The following CCDC188 variants were observed in gnomAD, a reference collection of about 807,000 sequenced individuals.
CCDC188 encodes coiled-coil domain-containing protein 188.
Under a neutral mutation model 50.7 loss-of-function variants are expected in CCDC188, and 37 were observed. The observed-to-expected ratio is 0.73, with a 90% confidence interval of 0.56 to 0.96. CCDC188 has a LOEUF of 0.96. CCDC188 is among the 40% of genes least tolerant of loss of function. The pLI is 0.00. For missense variants in CCDC188, 453 were observed against 512.9 expected, an observed-to-expected ratio of 0.88 and a Z score of 1.13; for synonymous variants, 208 against 228.0, an observed-to-expected ratio of 0.91 and a Z score of 0.79.
At chr22:20,149,020 C>G in intron 7 of CCDC188, 96 bp from the exon 8 acceptor site, 8 of 1,341,448 alleles carry the variant, frequency 6.0e-6, no homozygotes, top group Non-Finnish European at 8.0e-6. Flanking sequence ...CAGGGCTCCC[C>G]GCACCGCAGC....
At chr22:20,149,317 G>A (rs1340043429) in intron 6 of CCDC188, 73 bp from the exon 7 acceptor site, 4 of 1,543,900 alleles carry the variant, frequency 2.6e-6, no homozygotes, top group Admixed American at 2.0e-5. Context: ...GCTCGGTGCT[G>A]TGGAGGTGGG....
chr22:20,150,664 T>G lies in CCDC188; in HGVS notation c.323A>C (p.His108Pro), dbSNP rs1258506261. Residue 108 changes from histidine to proline, a missense_variant, in exon 1 of 9, where the codon CAC (histidine) becomes CCC (proline). His to Pro is a moderately conservative substitution (Grantham distance 77, BLOSUM62 -2). Coordinates refer to ENST00000439765, the MANE Select transcript of CCDC188 (RefSeq NM_001365892.2). ...GGGAGCCCCCTGGTTCGACCCTGGG[T>G]GCAGGGGCCAGCCCCACCCAAGCCC... Reference protein sequence around the residue: ...EAGLGWGWPLHPGSNQGAPRQ... With the variant: ...EAGLGWGWPLPPGSNQGAPRQ... 1 of 1,547,900 alleles carries G rather than the reference T, an allele frequency of 6.5e-7. No individual in the cohort carries two copies. Among genetic ancestry groups the G allele is most frequent in the Non-Finnish European group, 8.7e-7 (1 of 1,145,464 alleles).
In CCDC188 at chr22:20,150,703, C is replaced by G; in HGVS notation, c.284G>C (p.Gly95Ala). ...CCACCCAAGCCCTGCCTCCAGGTCT[C>G]CTTGTCTCGGCCCCTCAGTGTCTCT... ...RARDTEGPRQ[G>A]DLEAGLGWGW... Residue 95 changes from glycine (G) to alanine (A), a missense_variant, in exon 1 of 9, where the codon GGA becomes GCA. Transcript: ENST00000439765. The G allele has an allele frequency of 6.5e-6, 10 of 1,550,140 alleles. No homozygotes were observed. The highest frequency in any genetic ancestry group is 7.8e-6 in the Non-Finnish European group (9 of 1,146,784).
rs1231849943 is a variant in CCDC188, at chr22:20,150,704, C to T, written c.283G>A (p.Gly95Arg). Residue 95 changes from glycine to arginine, a missense_variant, in exon 1 of 9, where the codon GGA (glycine) becomes AGA (arginine). Transcript: ENST00000439765. ...CACCCAAGCCCTGCCTCCAGGTCTC[C>T]TTGTCTCGGCCCCTCAGTGTCTCTC... is the stretch of plus-strand genomic sequence containing the variant. ...RARDTEGPRQ[G>R]DLEAGLGWGW... The T allele has an allele frequency of 1.3e-6, 2 of 1,550,148 alleles. No individual in the cohort carries two copies. The highest frequency in any genetic ancestry group is 1.4e-5 in the African/African-American group (1 of 73,162).
Position 20,150,501 on chromosome 22 carries a change from G to A in CCDC188, c.486C>T (p.Ser162=), listed in dbSNP as rs1338688178. ...QCGLLGSAEQ[S]FLQLEQENHS... The stretch of plus-strand genomic sequence containing the variant: ...GGTTCTCCTGCTCCAGCTGCAGGAA[G>A]GACTGTTCTGCAGAGCCCAGCAGCC... The change falls in exon 1 of 9, where the codon TCC becomes TCT. Residue 162 remains serine (S), a synonymous_variant. Transcript: ENST00000439765. The A allele has an allele frequency of 6.5e-7, 1 of 1,547,998 alleles. No homozygotes were observed. Among genetic ancestry groups the A allele is most frequent in the East Asian group, 2.4e-5 (1 of 40,882 alleles).
Position 20,150,678 on chromosome 22 carries a change from C to A in CCDC188, c.309G>T (p.Trp103Cys). 1 of 1,549,330 alleles carries A rather than the reference C, an allele frequency of 6.5e-7. No individual in the cohort carries two copies. Among genetic ancestry groups the A allele is most frequent in the Non-Finnish European group, 8.7e-7 (1 of 1,146,274 alleles). ...TCGACCCTGGGTGCAGGGGCCAGCC[C>A]CACCCAAGCCCTGCCTCCAGGTCTC... The part of the protein sequence containing the change: ...RQGDLEAGLG[W>C]GWPLHPGSNQ... Residue 103 changes from tryptophan (W) to cysteine (C), a missense_variant, in exon 1 of 9, where the codon TGG becomes TGT. Trp to Cys is a radical substitution (Grantham distance 215, BLOSUM62 -2). Coordinates refer to ENST00000439765, the MANE Select transcript of CCDC188 (RefSeq NM_001365892.2).
chr22:20,151,050 C>T lies in CCDC188; in HGVS notation c.-64G>A. On this transcript the variant is annotated 5_prime_UTR_variant, in exon 1 of 9. Transcript: ENST00000439765. The stretch of plus-strand genomic sequence containing the variant: ...CTGGCCTGGCCCAACCTGCCACCCT[C>T]TTACTGAGGGGGCTGCCCCAGGCAA... The T allele has an allele frequency of 7.7e-7, 1 of 1,306,556 alleles. No individual in the cohort carries two copies. The highest frequency in any genetic ancestry group is 2.8e-5 in the East Asian group (1 of 35,328). 80.9% of individuals were successfully genotyped at this position (1,306,556 alleles called of 1,614,324 possible).
At chr22:20,150,439 G>A in intron 1 of CCDC188, 29 bp downstream of exon 1, 1 of 1,515,400 alleles carries the variant, frequency 6.6e-7, no homozygotes, top group Non-Finnish European at 8.8e-7. Context: ...GGCTGGGGCT[G>A]GGGCTGGGGC....
rs371864943 is a variant in CCDC188 at position 20,148,562 on chromosome 22, C to T, written c.*52G>A. ...GGGGCTGGCACGGCCACTGGGCATC[C>T]GGGGCAGTGCTGGTCGCCTGGCCTC... On this transcript the variant is annotated 3_prime_UTR_variant, in exon 9 of 9. Coordinates refer to ENST00000439765, the MANE Select transcript of CCDC188 (RefSeq NM_001365892.2). 24 of 1,475,126 alleles carry T rather than the reference C, an allele frequency of 1.6e-5. No homozygotes were observed. Among genetic ancestry groups the T allele is most frequent in the Admixed American group, 2.5e-5 (1 of 40,026 alleles). The allele number at this position is 1,475,126 out of a possible 1,614,324, so 91.4% of individuals were successfully genotyped here. A position where few individuals can be genotyped will look rare whatever the true frequency, so the allele number is the denominator to read the frequency against.
intron 3 of CCDC188, 32 bp downstream of exon 3, chr22:20,149,923 C>T: frequency 1.3e-6 from 2 of 1,516,432 alleles, no homozygotes; most frequent in Non-Finnish European, 1.8e-6. Flanking sequence ...ACGAAGCTTC[C>T]TCCCCCCCCA....
intron 1 of CCDC188, 69 bp downstream of exon 1, chr22:20,150,399 G>C: frequency 1.4e-6 from 2 of 1,386,166 alleles, no homozygotes; most frequent in South Asian, 2.8e-5. Context: ...TGGGGCTGGG[G>C]CTGGGGCAGG....
rs1223308379 is a variant in CCDC188 at position 20,149,739 on chromosome 22, C to G, written c.774G>C (p.Lys258Asn). Residue 258 changes from lysine (K) to asparagine (N), a missense_variant, in exon 4 of 9, where the codon AAG becomes AAC. Coordinates refer to ENST00000439765, the MANE Select transcript of CCDC188 (RefSeq NM_001365892.2). Reference protein sequence around the residue: ...QQIRLCFERKKMVITEVWDNV... With the variant: ...QQIRLCFERKNMVITEVWDNV... ...AGGCGGGCACCTCTGTGATGACCAT[C>G]TTCTTCCTCTCAAAGCACAGGCGGA... is the stretch of plus-strand genomic sequence containing the variant. The G allele has an allele frequency of 1.6e-5, 24 of 1,530,094 alleles. No individual in the cohort carries two copies. Among genetic ancestry groups the G allele is most frequent in the Non-Finnish European group, 2.1e-5 (24 of 1,135,622 alleles). 94.8% of individuals were successfully genotyped at this position (1,530,094 alleles called of 1,614,324 possible).
At position 20,151,046 on chromosome 22, in the gene CCDC188, C is replaced by T; in HGVS notation, c.-60G>A. 3.8e-6 allele frequency: 5 copies of T among 1,312,182 alleles called. No homozygotes were observed. Among genetic ancestry groups the T allele is most frequent in the Non-Finnish European group, 4.8e-6 (5 of 1,030,996 alleles). 81.3% of individuals were successfully genotyped at this position (1,312,182 alleles called of 1,614,324 possible). A position where few individuals can be genotyped will look rare whatever the true frequency, so the allele number is the denominator to read the frequency against. On this transcript the variant is annotated 5_prime_UTR_variant, in exon 1 of 9. It adds an upstream start codon to the 5' untranslated region. Transcript: ENST00000439765. ...GGCTCTGGCCTGGCCCAACCTGCCA[C>T]CCTCTTACTGAGGGGGCTGCCCCAG... is the stretch of plus-strand genomic sequence containing the variant.
At position 20,150,612 on chromosome 22, in the gene CCDC188, C is replaced by T. The variant is rs1453282157; in HGVS notation, c.375G>A (p.Gly125=). The T allele has an allele frequency of 3.2e-6, 5 of 1,543,768 alleles. No individual in the cohort carries two copies. In the East Asian group the frequency reaches 9.8e-5, roughly 30 times the overall value. The change falls in exon 1 of 9, where the codon GGG becomes GGA. Residue 125 remains glycine, a synonymous_variant. Coordinates refer to ENST00000439765, the MANE Select transcript of CCDC188 (RefSeq NM_001365892.2). The stretch of plus-strand genomic sequence containing the variant: ...GGGGTGGGCATGGGCAGGGTCTGGT[C>T]CCTGAGCCAATGGATCCCCCCTGCC... The part of the protein sequence containing the change: ...APRQGGSIGS[G]TRPCPCPPLS...
chr22:20,148,957 CGA>C (rs1568999362), intron 7 of CCDC188, 33 bp from the exon 8 acceptor site: 3 of 1,462,034 alleles, frequency 2.1e-6, no homozygotes, highest in Non-Finnish European at 2.7e-6. Context: ...GAGCCCACCC[CGA>C]GTGTCCAGGC....
rs2050560313 is a variant in CCDC188, at chr22:20,148,707, C to T, written c.1116G>A (p.Val372=). 7.8e-6 allele frequency: 12 copies of T among 1,538,468 alleles called. No individual in the cohort carries two copies. Among genetic ancestry groups the T allele is most frequent in the African/African-American group, 1.4e-5 (1 of 72,242 alleles). Residue 372 remains valine (V), a synonymous_variant, in exon 9 of 9, where the codon GTG becomes GTA. Coordinates refer to ENST00000439765, the MANE Select transcript of CCDC188 (RefSeq NM_001365892.2). ...CGGTGGCACGGCTCAGCAGGGGTGG[C>T]ACCAGCCCCTCGAAAGGTGTGGGGT... The part of the protein sequence containing the change: ...VVNPTPFEGL[V]PPLLSRATVW...
rs192203649 is a variant in CCDC188, at chr22:20,148,421, G to A, written c.*193C>T. The A allele has an allele frequency of 1.5e-4, 185 of 1,271,448 alleles. No homozygotes were observed. Among genetic ancestry groups the A allele is most frequent in the Middle Eastern group, 6.0e-4 (2 of 3,344 alleles). 78.8% of individuals were successfully genotyped at this position (1,271,448 alleles called of 1,614,324 possible). ...CAATTTCCACAGAGACGTGCTCACCGGCCACTTATGTCATGATTCTATGTC... is the reference window on the plus strand; with the variant it reads ...CAATTTCCACAGAGACGTGCTCACCAGCCACTTATGTCATGATTCTATGTC... On this transcript the variant is annotated 3_prime_UTR_variant, in exon 9 of 9. Transcript: ENST00000439765.
intron 1 of CCDC188, 92 bp downstream of exon 1, chr22:20,150,376 G>A (rs1160943896): frequency 1.1e-5 from 12 of 1,095,128 alleles, no homozygotes; most frequent in South Asian, 4.7e-5. Context: ...GGGCAGGGGC[G>A]CCAGGTGGTG....
rs1375394982 is a variant in CCDC188 at position 20,150,737 on chromosome 22, G to A, written c.250C>T (p.Gln84Ter). The change falls in exon 1 of 9, where the codon CAG (glutamine) becomes TAG (stop). Residue 84 changes from glutamine to a stop codon, truncating the protein, a stop_gained. Coordinates refer to ENST00000439765, the MANE Select transcript of CCDC188 (RefSeq NM_001365892.2). LOFTEE classifies it high-confidence loss of function. ...GGCCCCTCAGTGTCTCTCGCTCTCT[G>A]CTCCTGGCTGGACAGAAAGAGCCCG... Reference protein sequence around the residue: ...APGLFLSSQEQRARDTEGPRQ... With the variant: ...APGLFLSSQE The A allele has an allele frequency of 6.5e-7, 1 of 1,550,048 alleles. No individual in the cohort carries two copies. Among genetic ancestry groups the A allele is most frequent in the Admixed American group, 2.0e-5 (1 of 50,972 alleles).
Sources: allele counts gnomAD v4.1 joint callset, GRCh38; gene constraint gnomAD v4.1.1; transcripts MANE v1.5; gene names NCBI Gene and HGNC (gene_info 2026-07-23, HGNC 2026-07-21).